The following LGI1 variants were observed in gnomAD, a reference collection of about 807,000 sequenced individuals.
LGI1 encodes the protein leucine-rich glioma-inactivated protein 1.
A neutral mutation model predicts 57.7 loss-of-function variants in LGI1; 11 were observed. That is an observed-to-expected ratio of 0.19 (90% confidence interval 0.12 to 0.32). The LOEUF (loss-of-function observed/expected upper bound fraction) is 0.32. LGI1 is among the 10% of genes least tolerant of loss of function. The probability of loss-of-function intolerance (pLI) is 1.00; values close to 1 mark genes in which losing one functional copy is unlikely to be tolerated. For missense variants in LGI1, 422 were observed against 661.9 expected (o/e 0.64, Z 3.98); for synonymous variants, 222 against 241.9 (o/e 0.92, Z 0.76).
Position 93,758,186 on chromosome 10 carries a change from T to C in LGI1, c.42T>C (p.Ile14=). Residue 14 remains isoleucine, a synonymous_variant, in exon 1 of 8, where the codon ATT becomes ATC. Coordinates refer to ENST00000371418, the MANE Select transcript of LGI1 (RefSeq NM_005097.4). This position sits in a 1 kb window ranked among gnomAD's most constrained non-coding sequence, Gnocchi z 4.7. The part of the protein sequence containing the change: ...ERSKRMGNAC[I]PLKRIAYFLC... ...GCAAAAGGATGGGAAATGCCTGCAT[T>C]CCCCTGAAAAGAATTGCTTATTTCC... 1 of 1,614,174 alleles carries C rather than the reference T, an allele frequency of 6.2e-7. No individual in the cohort carries two copies. The highest frequency in any genetic ancestry group is 8.5e-7 in the Non-Finnish European group (1 of 1,180,036).
chr10:93,778,070 T>C (rs1425655852), intron 4 of LGI1, among the ~76,000 whole-genome samples: 2 of 152,178 alleles, frequency 1.3e-5, no homozygotes, highest in Non-Finnish European at 2.9e-5. Context: ...CAATGGATGA[T>C]TACAGCTAAC....
At chr10:93,795,034 C>T (rs1197140927) in intron 7 of LGI1, among the ~76,000 whole-genome samples, 1 of 152,112 alleles carries the variant, frequency 6.6e-6, no homozygotes, top group Admixed American at 6.6e-5. Flanking sequence ...CTTCCTTAGG[C>T]CCCCATAAGT....
At chr10:93,791,729 CA>C (rs1021315471) in intron 5 of LGI1, 12 of 152,318 alleles carry the variant, frequency 7.9e-5, no homozygotes, top group Admixed American at 4.6e-4. Flanking sequence ...TGCAAATACA[CA>C]GAGAACTTGG....
chr10:93,794,903 G>A (rs1364959796), intron 7 of LGI1: 3 of 152,146 alleles, frequency 2.0e-5, no homozygotes, highest in Non-Finnish European at 4.4e-5. Context: ...AAAGGACCAA[G>A]ACAGGTCTGG....
chr10:93,763,867 C>T (rs1160477923), intron 2 of LGI1: 1 of 152,130 alleles, frequency 6.6e-6, no homozygotes, highest in Admixed American at 6.5e-5. Flanking sequence ...ACTAGTCTGT[C>T]CTGGGAAGGG....
At chr10:93,782,536 A>G (rs573785225) in intron 4 of LGI1, among the ~76,000 whole-genome samples, 4 of 152,036 alleles carry the variant, frequency 2.6e-5, no homozygotes, top group African/African-American at 9.7e-5. Flanking sequence ...TAGTGTATAT[A>G]CCATTTAAAC....
intron 2 of LGI1, 168 bp from the exon 3 acceptor site, chr10:93,777,211 G>A (rs1444411031): frequency 2.9e-6 from 2 of 681,238 alleles, no homozygotes; most frequent in African/African-American, 1.8e-5. Context: ...GAGATGATTA[G>A]GAGTAAAAAA....
chr10:93,791,220 G>A (rs944689643), intron 5 of LGI1: 2 of 152,162 alleles, frequency 1.3e-5, no homozygotes, highest in African/African-American at 4.8e-5. Flanking sequence ...GAGAGTCCTG[G>A]ACAGACCATA....
At chr10:93,793,028 TA>T in intron 6 of LGI1, 116 bp downstream of exon 6, 2 of 1,256,330 alleles carry the variant, frequency 1.6e-6, no homozygotes, top group Non-Finnish European at 1.1e-6. Context: ...AACTTAATTT[TA>T]AAAAAATTAT....
rs189390334 is a variant in LGI1 at position 93,773,431 on chromosome 10, C to T, written c.288-3948C>T. ...GTAGCCTTCTGGGCCTCAGTTTCCT[C>T]TTCTGTCAAATAGATCTTACCTGCT... On this transcript the variant is annotated intron_variant, in intron 2 of 7. Transcript: ENST00000371418. 2.0e-4 allele frequency among the ~76,000 whole-genome samples: 31 copies of T among 152,294 alleles called. No individual in the cohort carries two copies. In the East Asian group the frequency reaches 5.4e-3, roughly 27 times the overall value.
intron 2 of LGI1, among the ~76,000 whole-genome samples, chr10:93,760,246 G>A (rs2059608771): frequency 6.6e-6 from 1 of 152,198 alleles, no homozygotes. Context: ...TTATCTGTTT[G>A]ATTGATGGCT....
intron 2 of LGI1, among the ~76,000 whole-genome samples, chr10:93,761,543 G>C (rs950695740): frequency 2.6e-5 from 4 of 152,082 alleles, no homozygotes; most frequent in African/African-American, 9.7e-5. Context: ...AAAAAGCTAT[G>C]ATGAGAAGTA....
chr10:93,766,499 A>ATCTCTTTTT (rs1435109684), intron 2 of LGI1, among the ~76,000 whole-genome samples: 4 of 110,810 alleles, frequency 3.6e-5, no homozygotes, highest in Non-Finnish European at 5.6e-5. Flanking sequence ...GGTGCTAAGC[A>ATCTCTTTTT]TTTTATAGAT....
intron 4 of LGI1, among the ~76,000 whole-genome samples, chr10:93,784,728 T>C (rs983871340): frequency 6.6e-6 from 1 of 152,140 alleles, no homozygotes; most frequent in African/African-American, 2.4e-5. Context: ...AGTATTAAAA[T>C]TCAGCTCTGC....
chr10:93,761,215 C>T (rs1483811918), intron 2 of LGI1, among the ~76,000 whole-genome samples: 1 of 152,110 alleles, frequency 6.6e-6, no homozygotes, highest in Non-Finnish European at 1.5e-5. Flanking sequence ...CCTGAAAACC[C>T]CATATGGGCT....
chr10:93,791,235 T>A (rs1031250821), intron 5 of LGI1: 3 of 152,210 alleles, frequency 2.0e-5, no homozygotes, highest in East Asian at 1.9e-4. Flanking sequence ...ACCATAGTTA[T>A]CCTCTCTGGT....
At chr10:93,774,677 G>C (rs1006396718) in intron 2 of LGI1, among the ~76,000 whole-genome samples, 2 of 152,162 alleles carry the variant, frequency 1.3e-5, no homozygotes, top group African/African-American at 4.8e-5. Context: ...GAAAGGGACA[G>C]AGGTTGTGCA....
At chr10:93,767,927 A>G (rs1423778716) in intron 2 of LGI1, 1 of 152,224 alleles carries the variant, frequency 6.6e-6, no homozygotes, top group Non-Finnish European at 1.5e-5. Flanking sequence ...TAAATGGCTA[A>G]ACAAGCATTT....
chr10:93,786,809 G>A (rs1471133270), intron 4 of LGI1, among the ~76,000 whole-genome samples: 1 of 152,172 alleles, frequency 6.6e-6, no homozygotes, highest in East Asian at 1.9e-4. Flanking sequence ...GTCCAGGCTG[G>A]TCTCAAACTC....
Sources: allele counts gnomAD v4.1 joint callset (sites outside exome capture counted in the v4.1 genomes callset), GRCh38; gene constraint gnomAD v4.1.1; non-coding constraint Gnocchi (gnomAD v3.1); transcripts MANE v1.5; gene names NCBI Gene and HGNC (gene_info 2026-07-23, HGNC 2026-07-21).